LUZP2: variants seen among roughly 807,000 people sequenced by gnomAD.
LUZP2 encodes the protein leucine zipper protein 2.
Under a neutral mutation model 51.6 loss-of-function variants are expected in LUZP2, and 52 were observed. The ratio of observed to expected loss-of-function variants is 1.01; its 90% CI spans 0.81 to 1.27. LUZP2 has a LOEUF of 1.27. LUZP2 is among the 50% of genes most tolerant of loss of function. The pLI is 0.00. For synonymous variants in LUZP2, 154 were observed against 137.3 expected (o/e 1.12, Z -0.85); for missense variants, 436 against 395.4 (o/e 1.10, Z -0.87).
chr11:24,807,146 C>T (rs2134128421), intron 5 of LUZP2, among the ~76,000 whole-genome samples: 1 of 151,696 alleles, frequency 6.6e-6, no homozygotes, highest in East Asian at 2.0e-4. Context: ...TTGTAAGGAT[C>T]ATGGCTGATT....
At chr11:24,992,985 C>G (rs890189502) in intron 9 of LUZP2, among the ~76,000 whole-genome samples, 1 of 152,066 alleles carries the variant, frequency 6.6e-6, no homozygotes, top group Non-Finnish European at 1.5e-5. Context: ...TATACAATTA[C>G]TTTTTAAGTT....
At chr11:24,854,695 G>A (rs1401922156) in intron 5 of LUZP2, among the ~76,000 whole-genome samples, 1 of 149,382 alleles carries the variant, frequency 6.7e-6, no homozygotes, top group Non-Finnish European at 1.5e-5. Flanking sequence ...AACTCCTGCA[G>A]CTAGCTTGGC....
chr11:24,748,197 A>T (rs929423030), intron 4 of LUZP2, among the ~76,000 whole-genome samples: 3 of 152,034 alleles, frequency 2.0e-5, no homozygotes, highest in African/African-American at 7.2e-5. Context: ...CTGCTTGGGG[A>T]CGCAGTGAGC....
intron 1 of LUZP2, among the ~76,000 whole-genome samples, chr11:24,659,904 ATTGTG>A (rs1204155878): frequency 1.3e-5 from 2 of 152,078 alleles, no homozygotes; most frequent in Non-Finnish European, 2.9e-5. Context: ...GTGTGATTAG[ATTGTG>A]TTAGATTAGA....
intron 1 of LUZP2, among the ~76,000 whole-genome samples, chr11:24,714,212 T>C (rs530841205): frequency 6.6e-6 from 1 of 151,988 alleles, no homozygotes; most frequent in East Asian, 1.9e-4. Flanking sequence ...AAAACCTCAG[T>C]GATGGGTTGA....
intron 7 of LUZP2, among the ~76,000 whole-genome samples, chr11:24,918,893 G>T (rs867542856): frequency 2.5e-4 from 36 of 142,216 alleles, no homozygotes; most frequent in African/African-American, 8.6e-4. Flanking sequence ...ATTATATATA[G>T]TTATATATAA....
intron 1 of LUZP2, among the ~76,000 whole-genome samples, chr11:24,617,253 C>A (rs1339610816): frequency 6.6e-6 from 1 of 151,648 alleles, no homozygotes; most frequent in Non-Finnish European, 1.5e-5. Context: ...TCTGCATGAG[C>A]CTATTTGTTG....
chr11:24,796,379 G>A (rs183398607), intron 5 of LUZP2, among the ~76,000 whole-genome samples: 152 of 152,120 alleles, frequency 1.0e-3, no homozygotes, highest in Non-Finnish European at 1.7e-3. Flanking sequence ...GGCAAGAGGT[G>A]TAACGTTATT....
chr11:25,029,428 T>TA (rs1857583199), intron 9 of LUZP2, among the ~76,000 whole-genome samples: 1 of 151,984 alleles, frequency 6.6e-6, no homozygotes, highest in African/African-American at 2.4e-5. Context: ...TGAACACTCT[T>TA]TAAAAAAGAA....
chr11:25,014,436 A>C (rs1361989138), intron 9 of LUZP2, among the ~76,000 whole-genome samples: 1 of 151,948 alleles, frequency 6.6e-6, no homozygotes, highest in East Asian at 1.9e-4. Flanking sequence ...TTTAATGATC[A>C]CCCTTCTAAA....
chr11:25,066,667 G>A (rs917798266), intron 10 of LUZP2, among the ~76,000 whole-genome samples: 1 of 151,868 alleles, frequency 6.6e-6, no homozygotes, highest in Non-Finnish European at 1.5e-5. Flanking sequence ...TATGCAGTGA[G>A]TTAGCATGAT....
rs140844164 is a variant in LUZP2 at position 25,062,037 on chromosome 11, A to T, written c.858+11907A>T. ...GATGGAAATATATCATTGGAAAGTGACATATCAGTCATACCCCTCAAGAAA... is the reference window on the plus strand; with the variant it reads ...GATGGAAATATATCATTGGAAAGTGTCATATCAGTCATACCCCTCAAGAAA... On this transcript the variant is annotated intron_variant, in intron 10 of 11. Coordinates refer to ENST00000336930, the MANE Select transcript of LUZP2 (RefSeq NM_001009909.4). Among the ~76,000 whole-genome samples, 1,023 of 151,700 alleles carry T rather than the reference A, an allele frequency of 6.7e-3. 22 individuals are homozygous for T. Among genetic ancestry groups the T allele is most frequent in the Non-Finnish European group, 0.012 (791 of 67,746 alleles).
At chr11:24,673,531 G>A (rs1215284805) in intron 1 of LUZP2, among the ~76,000 whole-genome samples, 2 of 152,138 alleles carry the variant, frequency 1.3e-5, no homozygotes, top group Non-Finnish European at 2.9e-5. Flanking sequence ...TCTCTCTTCT[G>A]TATTTGTAAT....
At chr11:24,682,075 T>A (rs1403798406) in intron 1 of LUZP2, among the ~76,000 whole-genome samples, 1 of 152,210 alleles carries the variant, frequency 6.6e-6, no homozygotes, top group African/African-American at 2.4e-5. Flanking sequence ...AAGGTGTCTA[T>A]CTCAGCACAT....
chr11:24,786,435 T>C, intron 5 of LUZP2: 2 of 982,556 alleles, frequency 2.0e-6, no homozygotes, highest in Non-Finnish European at 2.4e-6. Context: ...TTTTTCATGG[T>C]ACCAAAAATT....
At chr11:24,671,229 T>G (rs1189347709) in intron 1 of LUZP2, among the ~76,000 whole-genome samples, 1 of 151,572 alleles carries the variant, frequency 6.6e-6, no homozygotes, top group Non-Finnish European at 1.5e-5. Context: ...TGTAGATATT[T>G]TTTCTTCCTA....
intron 1 of LUZP2, among the ~76,000 whole-genome samples, chr11:24,631,455 T>C (rs775471918): frequency 6.6e-6 from 1 of 151,982 alleles, no homozygotes; most frequent in Non-Finnish European, 1.5e-5. Context: ...TCAAATGCTT[T>C]TTCTGTGCCT....
chr11:24,912,694 C>T (rs1314342190), intron 6 of LUZP2, among the ~76,000 whole-genome samples: 2 of 152,078 alleles, frequency 1.3e-5, no homozygotes, highest in Non-Finnish European at 2.9e-5. Context: ...CCTGTAGTCC[C>T]AGCTACTCAG....
chr11:24,692,876 C>T (rs1857119610), intron 1 of LUZP2, among the ~76,000 whole-genome samples: 1 of 151,880 alleles, frequency 6.6e-6, no homozygotes, highest in Admixed American at 6.6e-5. Flanking sequence ...GGCATTTTCC[C>T]TTCAAATAAC....
Sources: allele counts gnomAD v4.1 joint callset (sites outside exome capture counted in the v4.1 genomes callset), GRCh38; gene constraint gnomAD v4.1.1; transcripts MANE v1.5; gene names NCBI Gene and HGNC (gene_info 2026-07-23, HGNC 2026-07-21).